Variants in TEX11 observed in about 807,000 individuals in gnomAD.
TEX11 encodes testis-expressed protein 11.
A neutral mutation model predicts 84.4 loss-of-function variants in TEX11; 7 were observed. The observed-to-expected ratio is 0.08, with a 90% CI of 0.05 to 0.16. TEX11 has a LOEUF of 0.16. Ranked by LOEUF, TEX11 falls within the 10% of genes least tolerant of loss-of-function variation. TEX11 has a pLI of 1.00. For missense variants in TEX11, 551 were observed against 660.5 expected, an observed-to-expected ratio of 0.83 and a Z score of 1.82; for synonymous variants, 264 against 222.8, an observed-to-expected ratio of 1.18 and a Z score of -1.64.
chrX:70,560,898 T>C (rs1480491446), intron 25 of TEX11, among the ~76,000 whole-genome samples: 1 of 29,570 alleles, frequency 3.4e-5, no homozygotes, highest in Non-Finnish European at 5.9e-5. Context: ...CACCGGTTTT[T>C]TTTTTTTTTT....
intron 2 of TEX11, among the ~76,000 whole-genome samples, chrX:70,892,368 T>C (rs368178080): frequency 2.7e-5 from 3 of 111,619 alleles, no homozygotes; most frequent in South Asian, 7.4e-4. Flanking sequence ...CCAGATAGCA[T>C]CATGTTGACA....
intron 28 of TEX11, among the ~76,000 whole-genome samples, chrX:70,534,519 C>A (rs1447709833): frequency 8.9e-6 from 1 of 112,101 alleles, no homozygotes; most frequent in Non-Finnish European, 1.9e-5. Context: ...ATCCACACAG[C>A]TACTGACCTG....
intron 5 of TEX11, among the ~76,000 whole-genome samples, chrX:70,856,227 C>G (rs1489884310): frequency 9.1e-6 from 1 of 110,340 alleles, no homozygotes; most frequent in Non-Finnish European, 1.9e-5. Flanking sequence ...TGGAGTAATC[C>G]CTAGGATATA....
intron 5 of TEX11, among the ~76,000 whole-genome samples, chrX:70,860,147 G>A (rs1046438068): frequency 2.7e-5 from 3 of 111,879 alleles, no homozygotes; most frequent in Non-Finnish European, 3.8e-5. Context: ...AAATATAACT[G>A]TGTGAAGGCA....
chrX:70,689,972 G>A (rs1235077523), intron 13 of TEX11, among the ~76,000 whole-genome samples: 5 of 111,572 alleles, frequency 4.5e-5, no homozygotes, highest in Non-Finnish European at 3.8e-5. Flanking sequence ...TACTTTATCT[G>A]AGTGATCTTC....
chrX:70,540,858 A>G (rs2088034239), intron 28 of TEX11, among the ~76,000 whole-genome samples: 1 of 112,244 alleles, frequency 8.9e-6, no homozygotes, highest in African/African-American at 3.2e-5. Flanking sequence ...GAAGGATACA[A>G]TATTTGTCCT....
chrX:70,885,000 G>A (rs2091700716), intron 2 of TEX11, among the ~76,000 whole-genome samples: 1 of 111,099 alleles, frequency 9.0e-6, no homozygotes, highest in South Asian at 3.9e-4. Flanking sequence ...AGATGGGTCC[G>A]GCAAACTCTA....
chrX:70,792,544 C>A (rs751498420), intron 9 of TEX11, among the ~76,000 whole-genome samples: 4 of 103,980 alleles, frequency 3.8e-5, no homozygotes, highest in African/African-American at 1.4e-4. Context: ...ATGACTAAAA[C>A]CATAGCAAAA....
intron 4 of TEX11, among the ~76,000 whole-genome samples, chrX:70,868,727 G>T (rs1170969149): frequency 1.8e-5 from 2 of 110,961 alleles, no homozygotes; most frequent in Non-Finnish European, 3.8e-5. Flanking sequence ...GTCCTTTGCG[G>T]GGACATGGAT....
At chrX:70,833,785 C>A (rs1322195677) in intron 7 of TEX11, among the ~76,000 whole-genome samples, 192 bp from the exon 8 acceptor site, 2 of 111,722 alleles carry the variant, frequency 1.8e-5, no homozygotes, top group African/African-American at 6.5e-5. Flanking sequence ...TCTTTGGTGA[C>A]ACAGAGTTGA....
chrX:70,852,741 G>C (rs1473810178), intron 7 of TEX11, among the ~76,000 whole-genome samples: 1 of 111,724 alleles, frequency 9.0e-6, no homozygotes, highest in Non-Finnish European at 1.9e-5. Context: ...GAGAGTCACA[G>C]AGACAGGTGT....
intron 25 of TEX11, among the ~76,000 whole-genome samples, chrX:70,577,822 G>C (rs1466544255): frequency 9.2e-6 from 1 of 108,321 alleles, no homozygotes; most frequent in Admixed American, 1.0e-4. Context: ...CCGCCTCCTG[G>C]GTTCAAGTGA....
At chrX:70,832,190 T>C (rs2091380684) in intron 8 of TEX11, among the ~76,000 whole-genome samples, 1 of 111,586 alleles carries the variant, frequency 9.0e-6, no homozygotes, top group Non-Finnish European at 1.9e-5. Context: ...TGAGGAAACT[T>C]TGGCTAAACC....
At chrX:70,597,680 T>C (rs185792769) in intron 24 of TEX11, among the ~76,000 whole-genome samples, 3 of 111,743 alleles carry the variant, frequency 2.7e-5, no homozygotes, top group East Asian at 5.6e-4. Context: ...CAAGAAAACA[T>C]TGAGGTAAAC....
intron 24 of TEX11, among the ~76,000 whole-genome samples, chrX:70,600,273 A>T (rs994547859): frequency 8.9e-6 from 1 of 111,949 alleles, no homozygotes; most frequent in African/African-American, 3.2e-5. Context: ...ATGGCCAGTG[A>T]TGATGAACAT....
chrX:70,644,255 TA>T (rs1240463472), intron 17 of TEX11, among the ~76,000 whole-genome samples: 1 of 104,164 alleles, frequency 9.6e-6, no homozygotes, highest in Non-Finnish European at 2.0e-5. Flanking sequence ...TGGCAATCAT[TA>T]AAAAGTCAGG....
intron 13 of TEX11, among the ~76,000 whole-genome samples, chrX:70,712,581 GCTCT>G (rs975722922): frequency 8.1e-5 from 9 of 110,813 alleles, no homozygotes; most frequent in Non-Finnish European, 1.3e-4. Context: ...TCATGATTTG[GCTCT>G]CTGTTTGTCT....
chrX:70,640,049 A>C (rs1398365501), intron 17 of TEX11, among the ~76,000 whole-genome samples: 2 of 108,002 alleles, frequency 1.9e-5, no homozygotes. Flanking sequence ...TATAACTAGA[A>C]TAACCAATAC....
chrX:70,867,144 C>A (rs1358613675), intron 4 of TEX11, among the ~76,000 whole-genome samples: 1 of 111,883 alleles, frequency 8.9e-6, no homozygotes, highest in Non-Finnish European at 1.9e-5. Context: ...AGCCCAAAAA[C>A]TCCTTAAGCT....
Sources: gnomAD v4.1 joint callset for allele counts (sites outside exome capture counted in the v4.1 genomes callset) on GRCh38, gnomAD v4.1.1 for gene constraint, MANE v1.5 for transcripts, NCBI Gene and HGNC (gene_info 2026-07-23, HGNC 2026-07-21) for gene names.